Variants in ASTN1 observed in about 807,000 individuals in gnomAD.
The protein encoded by ASTN1 is astrotactin 1, also known as astrotactin-1.
Under a neutral mutation model 140.7 loss-of-function variants are expected in ASTN1, and 41 were observed. That is an observed-to-expected ratio of 0.29 (90% CI 0.23 to 0.38). The LOEUF is 0.38. ASTN1 is among the 10% of genes least tolerant of loss of function. ASTN1 has a pLI of 1.00. For missense variants in ASTN1, 1,479 were observed against 1,678.8 expected, an observed-to-expected ratio of 0.88 and a Z score of 2.08; for synonymous variants, 640 against 652.2, an observed-to-expected ratio of 0.98 and a Z score of 0.29.
intron 16 of ASTN1, among the ~76,000 whole-genome samples, chr1:176,927,057 T>C (rs1333862432): frequency 6.6e-6 from 1 of 152,202 alleles, no homozygotes; most frequent in Non-Finnish European, 1.5e-5. Flanking sequence ...CTGCTGGAAA[T>C]ACAATGCCAT....
chr1:176,863,721 G>T lies in ASTN1; in HGVS notation c.*563C>A. On this transcript the variant is annotated 3_prime_UTR_variant, in exon 23 of 23. Coordinates refer to ENST00000361833, the MANE Select transcript of ASTN1 (RefSeq NM_004319.3). ...CGGGTATGGAAATAGTGATAGCAAG[G>T]CCTAGGAAGAAAACCAGGAGACACA... 1 of 986,810 alleles carries T rather than the reference G, an allele frequency of 1.0e-6. No homozygotes were observed. The highest frequency in any genetic ancestry group is 1.2e-6 in the Non-Finnish European group (1 of 830,894). The allele number at this position is 986,810 out of a possible 1,614,324, so 61.1% of individuals were successfully genotyped here.
chr1:177,109,369 G>A (rs1680704879), intron 1 of ASTN1, among the ~76,000 whole-genome samples: 1 of 152,090 alleles, frequency 6.6e-6, no homozygotes, highest in South Asian at 2.1e-4. Context: ...GAAGATGTTT[G>A]AGATGCACCT....
At chr1:176,867,627 T>C (rs1480703799) in intron 22 of ASTN1, among the ~76,000 whole-genome samples, 1 of 152,190 alleles carries the variant, frequency 6.6e-6, no homozygotes, top group Non-Finnish European at 1.5e-5. Context: ...TATTTATGGA[T>C]TGTAGAAAAA....
In ASTN1 at chr1:177,021,711, C is replaced by A. The variant is rs145477192; in HGVS notation, c.1438+1693G>T. Among the ~76,000 whole-genome samples the A allele has an allele frequency of 2.4e-4, 36 of 152,324 alleles. 1 individual carries two copies. In the East Asian group the frequency reaches 3.5e-3, roughly 15 times the overall value. On this transcript the variant is annotated intron_variant, in intron 7 of 22. Coordinates refer to ENST00000361833, the MANE Select transcript of ASTN1 (RefSeq NM_004319.3). The stretch of plus-strand genomic sequence containing the variant: ...TCACATGTAACTGAAGGTGTGCTTC[C>A]TTTTCTTTAAAATCCAAGTAGGAGC...
chr1:176,988,327 A>AAAG, intron 8 of ASTN1, among the ~76,000 whole-genome samples: 1 of 150,652 alleles, frequency 6.6e-6, no homozygotes, highest in Non-Finnish European at 1.5e-5. Flanking sequence ...GAAAAAAAAA[A>AAAG]AAAAAACCTT....
intron 2 of ASTN1, among the ~76,000 whole-genome samples, chr1:177,050,253 A>G (rs560366183): frequency 5.3e-5 from 8 of 152,256 alleles, no homozygotes; most frequent in Non-Finnish European, 1.2e-4. Flanking sequence ...TCCCATATGG[A>G]TCTCTCATAT....
chr1:177,076,373 G>A (rs1355898748), intron 1 of ASTN1, among the ~76,000 whole-genome samples: 1 of 151,660 alleles, frequency 6.6e-6, no homozygotes, highest in Non-Finnish European at 1.5e-5. Flanking sequence ...ACAGAAGCAA[G>A]CCAGAAAACC....
At chr1:177,122,081 T>G (rs1042001595) in intron 1 of ASTN1, among the ~76,000 whole-genome samples, 2 of 152,092 alleles carry the variant, frequency 1.3e-5, no homozygotes, top group African/African-American at 2.4e-5. Context: ...GTTATTGGGT[T>G]AAAAAAGAGA....
intron 20 of ASTN1, among the ~76,000 whole-genome samples, chr1:176,878,216 G>C (rs542555656): frequency 3.2e-4 from 49 of 152,300 alleles, no homozygotes; most frequent in African/African-American, 1.1e-3. Context: ...GCCTCCTGCA[G>C]GACTCCTGCC....
rs754069265 is a variant in ASTN1 at position 176,943,973 on chromosome 1, A to C, written c.2295T>G (p.Gly765=). 3.7e-6 allele frequency: 6 copies of C among 1,614,020 alleles called. No individual in the cohort carries two copies. Among genetic ancestry groups the C allele is most frequent in the Non-Finnish European group, 4.2e-6 (5 of 1,179,990 alleles). The change falls in exon 14 of 23, where the codon GGT becomes GGG. Residue 765 remains glycine (G), a synonymous_variant. Coordinates refer to ENST00000361833, the MANE Select transcript of ASTN1 (RefSeq NM_004319.3). ...ARGLDQQLPD[G]LVVATVPLEN... is the part of the protein sequence containing the mutation. ...CCAGGGGCACAGTGGCCACCACAAG[A>C]CCATCTGGCAGTTGCTGGTCTAAAC...
intron 7 of ASTN1, among the ~76,000 whole-genome samples, chr1:177,015,329 G>A (rs1436549080): frequency 2.0e-5 from 3 of 152,160 alleles, no homozygotes; most frequent in African/African-American, 7.2e-5. Flanking sequence ...TTATGCTAAT[G>A]GGAAAAACAG....
chr1:177,052,232 CT>C (rs1288806230), intron 2 of ASTN1, among the ~76,000 whole-genome samples: 3 of 152,112 alleles, frequency 2.0e-5, no homozygotes, highest in Non-Finnish European at 2.9e-5. Flanking sequence ...ATCACAGATG[CT>C]TTTCTGACTC....
At position 176,934,314 on chromosome 1, in the gene ASTN1, C is replaced by A; in HGVS notation, c.2509G>T (p.Asp837Tyr). The A allele has an allele frequency of 6.2e-7, 1 of 1,613,380 alleles. No homozygotes were observed. The highest frequency in any genetic ancestry group is 8.5e-7 in the Non-Finnish European group (1 of 1,179,424). ...QALSNALHSL[D>Y]GATSRADFVA... is the part of the protein sequence containing the mutation. The stretch of plus-strand genomic sequence containing the variant: ...AAATCTGCACGAGATGTAGCCCCAT[C>A]CAGCGAGTGGAGAGCATTGCTGAGG... The change falls in exon 16 of 23, where the codon GAT becomes TAT. Residue 837 changes from aspartate (D) to tyrosine (Y), a missense_variant. Physicochemically the swap from Asp to Tyr is radical, Grantham distance 160 (BLOSUM62 -3). Transcript: ENST00000361833.
At chr1:177,141,510 C>T (rs1018584413) in intron 1 of ASTN1, among the ~76,000 whole-genome samples, 1 of 152,092 alleles carries the variant, frequency 6.6e-6, no homozygotes, top group South Asian at 2.1e-4. Context: ...CTTTTCATTC[C>T]TCTCTGTATT....
chr1:177,022,820 G>A (rs1675896974), intron 7 of ASTN1, among the ~76,000 whole-genome samples: 2 of 152,102 alleles, frequency 1.3e-5, no homozygotes, highest in South Asian at 4.1e-4. Flanking sequence ...AATACCAAAT[G>A]GCCATTAAAA....
chr1:176,990,589 T>C (rs1314235948), intron 8 of ASTN1, among the ~76,000 whole-genome samples: 2 of 151,502 alleles, frequency 1.3e-5, no homozygotes, highest in Non-Finnish European at 2.9e-5. Flanking sequence ...GAGCAGGAAG[T>C]GAAAATAATG....
chr1:176,857,763 T>C, downstream of ASTN1: 3 of 417,578 alleles, frequency 7.2e-6, no homozygotes, highest in Non-Finnish European at 8.6e-6. Context: ...AAAGAGGCAG[T>C]GGCTGATTAG....
chr1:177,091,925 CT>C (rs148629980), intron 1 of ASTN1, among the ~76,000 whole-genome samples: 16 of 151,728 alleles, frequency 1.1e-4, no homozygotes, highest in Middle Eastern at 3.4e-3. Flanking sequence ...TGGATTGTCT[CT>C]TTTTTTTAAT....
chr1:177,141,657 G>A (rs1177086221), intron 1 of ASTN1, among the ~76,000 whole-genome samples: 1 of 152,172 alleles, frequency 6.6e-6, no homozygotes, highest in Non-Finnish European at 1.5e-5. Context: ...TGTTAAGCAA[G>A]CATCTTGACC....
Sources: allele counts gnomAD v4.1 joint callset (sites outside exome capture counted in the v4.1 genomes callset), GRCh38; gene constraint gnomAD v4.1.1; transcripts MANE v1.5; gene names NCBI Gene and HGNC (gene_info 2026-07-23, HGNC 2026-07-21).